HHAT: variants seen among roughly 807,000 people sequenced by gnomAD.
The protein encoded by HHAT is hedgehog acyltransferase, also known as protein-cysteine N-palmitoyltransferase HHAT.
HHAT carries 47 observed loss-of-function variants against 70.8 expected under a neutral mutation model. That is an observed-to-expected ratio of 0.66 (90% CI 0.53 to 0.85). The LOEUF (loss-of-function observed/expected upper bound fraction) is 0.85, where lower values mean the gene tolerates loss of function less well. Among genes scored for constraint, HHAT ranks in the 40% least tolerant of loss-of-function variants. The pLI is 0.00. For missense variants in HHAT, 609 were observed against 604.8 expected (o/e 1.01, Z -0.07); for synonymous variants, 228 against 247.6 (o/e 0.92, Z 0.74).
intron 8 of HHAT, among the ~76,000 whole-genome samples, chr1:210,495,758 A>G (rs28647311): frequency 6.6e-6 from 1 of 152,200 alleles, no homozygotes; most frequent in African/African-American, 2.4e-5. Flanking sequence ...CTGTAATCCC[A>G]GTGCTTTGGG....
rs568582218 is a variant in HHAT at position 210,568,702 on chromosome 1, G to C, written c.1044-19196G>C. ...GCTCTATGTAAATGAACAGGATCAAGTAAAGTTACAAAGTCATTTACTCAG... is the reference window on the plus strand; with the variant it reads ...GCTCTATGTAAATGAACAGGATCAACTAAAGTTACAAAGTCATTTACTCAG... On this transcript the variant is annotated intron_variant, in intron 9 of 11. Transcript: ENST00000261458. 2.7e-4 allele frequency among the ~76,000 whole-genome samples: 41 copies of C among 152,260 alleles called. No homozygotes were observed. The South Asian group carries it at 8.5e-3, about 32-fold the overall frequency.
At chr1:210,577,743 T>C (rs952310825) in intron 9 of HHAT, among the ~76,000 whole-genome samples, 14 of 147,302 alleles carry the variant, frequency 9.5e-5, no homozygotes, top group African/African-American at 3.3e-4. Context: ...GCCTCCTGAG[T>C]TCAAGCAATT....
chr1:210,557,816 T>C (rs2148700701), intron 9 of HHAT, among the ~76,000 whole-genome samples: 1 of 152,154 alleles, frequency 6.6e-6, no homozygotes, highest in East Asian at 1.9e-4. Flanking sequence ...AAGTTGAAAT[T>C]TGGGTGGGAA....
At position 210,604,571 on chromosome 1, in the gene HHAT, A is replaced by G. The variant is rs1184748131; in HGVS notation, c.1245+16472A>G. Among the ~76,000 whole-genome samples, 7 of 152,192 alleles carry G rather than the reference A, an allele frequency of 4.6e-5. No individual in the cohort carries two copies. In the East Asian group the frequency reaches 5.8e-4, roughly 13 times the overall value. The stretch of plus-strand genomic sequence containing the variant: ...TTACTGGTGGTATTATTTGTGATAC[A>G]TAGTCTCTTATTTTTGCTTATTTAT... On this transcript the variant is annotated intron_variant, in intron 10 of 11. Transcript: ENST00000261458.
chr1:210,665,050 A>G (rs976650539), intron 11 of HHAT, among the ~76,000 whole-genome samples: 3 of 152,128 alleles, frequency 2.0e-5, no homozygotes, highest in Non-Finnish European at 4.4e-5. Context: ...GAGCCAGCCC[A>G]TTAGTAAACC....
chr1:210,547,992 T>C (rs2095498338), intron 9 of HHAT, among the ~76,000 whole-genome samples: 1 of 152,148 alleles, frequency 6.6e-6, no homozygotes, highest in Non-Finnish European at 1.5e-5. Context: ...TATAATAAGG[T>C]GGTGTTTATA....
At chr1:210,563,959 G>A (rs1214072295) in intron 9 of HHAT, among the ~76,000 whole-genome samples, 1 of 152,010 alleles carries the variant, frequency 6.6e-6, no homozygotes, top group Non-Finnish European at 1.5e-5. Context: ...TTGTTTGTTT[G>A]TTTGTTTGTT....
intron 11 of HHAT, chr1:210,631,170 A>G (rs184420627): frequency 8.8e-6 from 4 of 453,646 alleles, no homozygotes; most frequent in Admixed American, 4.8e-5. Context: ...CTAAGCAGCA[A>G]TATCAGGTGA....
chr1:210,447,076 A>T (rs2093650219), intron 7 of HHAT, among the ~76,000 whole-genome samples: 1 of 152,238 alleles, frequency 6.6e-6, no homozygotes, highest in Non-Finnish European at 1.5e-5. Context: ...AAGTATCCTC[A>T]ATAGACTCAT....
Position 210,471,214 on chromosome 1 carries a change from C to CT in HHAT, c.1007+6560dup, listed in dbSNP as rs140241629. Among the ~76,000 whole-genome samples, 1,287 of 152,208 alleles carry CT rather than the reference C, an allele frequency of 8.5e-3. 23 individuals carry two copies. Among genetic ancestry groups the CT allele is most frequent in the African/African-American group, 0.029 (1,224 of 41,506 alleles). On this transcript the variant is annotated intron_variant, in intron 8 of 11. Transcript: ENST00000261458. The stretch of plus-strand genomic sequence containing the variant: ...TGGCTGTAGGTGTACTGTACCATGA[C>CT]TGCTTGTTGATACTCCACTGTCATC...
chr1:210,616,091 G>C (rs940753953), intron 10 of HHAT, among the ~76,000 whole-genome samples: 1 of 152,196 alleles, frequency 6.6e-6, no homozygotes, highest in Non-Finnish European at 1.5e-5. Context: ...GACACACAAA[G>C]ATGTATTGGG....
chr1:210,484,061 G>A (rs984870951), intron 8 of HHAT, among the ~76,000 whole-genome samples: 1 of 152,186 alleles, frequency 6.6e-6, no homozygotes, highest in Non-Finnish European at 1.5e-5. Flanking sequence ...GCTAGGTTAT[G>A]TAAGAGGCCT....
intron 9 of HHAT, among the ~76,000 whole-genome samples, chr1:210,530,884 A>T (rs1270780245): frequency 6.6e-6 from 1 of 152,214 alleles, no homozygotes; most frequent in Admixed American, 6.5e-5. Flanking sequence ...AAGAAAAAAA[A>T]AATGCATATA....
intron 7 of HHAT, among the ~76,000 whole-genome samples, chr1:210,429,229 A>G (rs1427658851): frequency 6.6e-6 from 1 of 151,792 alleles, no homozygotes; most frequent in East Asian, 1.9e-4. Context: ...ACATTCTCCT[A>G]CCTAACTACA....
intron 9 of HHAT, among the ~76,000 whole-genome samples, chr1:210,546,069 T>A (rs1220554265): frequency 6.6e-6 from 1 of 152,248 alleles, no homozygotes; most frequent in Non-Finnish European, 1.5e-5. Flanking sequence ...ACATTTAGTC[T>A]AAGCATCCCT....
chr1:210,669,271 C>T (rs1174052689), intron 11 of HHAT, among the ~76,000 whole-genome samples: 1 of 152,146 alleles, frequency 6.6e-6, no homozygotes, highest in Non-Finnish European at 1.5e-5. Context: ...ATAATAACGC[C>T]AAGTAAAGTT....
intron 8 of HHAT, among the ~76,000 whole-genome samples, chr1:210,503,616 G>T (rs1230472756): frequency 6.6e-6 from 1 of 152,062 alleles, no homozygotes; most frequent in Non-Finnish European, 1.5e-5. Context: ...ATCTTTGTTT[G>T]GTGACTGTGG....
intron 8 of HHAT, among the ~76,000 whole-genome samples, chr1:210,506,734 T>C (rs942415629): frequency 3.3e-5 from 5 of 152,212 alleles, no homozygotes; most frequent in African/African-American, 1.2e-4. Context: ...AAATAACTAC[T>C]TTTTAGCCTC....
intron 7 of HHAT, among the ~76,000 whole-genome samples, chr1:210,421,634 G>A (rs1280463002): frequency 2.6e-5 from 4 of 151,924 alleles, no homozygotes; most frequent in Non-Finnish European, 5.9e-5. Context: ...TAGTAGAGAC[G>A]GGGTTTCACC....
Sources: gnomAD v4.1 joint callset for allele counts (sites outside exome capture counted in the v4.1 genomes callset) on GRCh38, gnomAD v4.1.1 for gene constraint, MANE v1.5 for transcripts, NCBI Gene and HGNC (gene_info 2026-07-23, HGNC 2026-07-21) for gene names.